AEBP2: variants seen among roughly 807,000 people sequenced by gnomAD.
The protein encoded by AEBP2 is AE binding protein 2, also known as zinc finger protein AEBP2.
Under a neutral mutation model 50.8 loss-of-function variants are expected in AEBP2, and 10 were observed. That is an observed-to-expected ratio of 0.20 (90% CI 0.12 to 0.33). The LOEUF (loss-of-function observed/expected upper bound fraction) is 0.33. AEBP2 is among the 10% of genes least tolerant of loss of function. The pLI is 1.00. For synonymous variants in AEBP2, 296 were observed against 261.3 expected, an observed-to-expected ratio of 1.13 and a Z score of -1.28; for missense variants, 570 against 688.0, an observed-to-expected ratio of 0.83 and a Z score of 1.92.
Position 19,462,688 on chromosome 12 carries a change from T to C in AEBP2, c.850T>C (p.Ser284Pro), listed in dbSNP as rs779045258. 6.2e-7 allele frequency: 1 copy of C among 1,613,506 alleles called. No individual in the cohort carries two copies. Among genetic ancestry groups the C allele is most frequent in the South Asian group, 1.1e-5 (1 of 91,012 alleles). Reference protein sequence around the residue: ...SSPDLADHIRSIHVDGQRGGV... With the variant: ...SSPDLADHIRPIHVDGQRGGV... ...CCCAGATCTGGCAGATCACATCCGT[T>C]CCATACATGTAGATGGTCAGCGAGG... The change falls in exon 2 of 8, where the codon TCC (serine) becomes CCC (proline). Residue 284 changes from serine to proline, a missense_variant. Ser to Pro is a moderately conservative substitution (Grantham distance 74, BLOSUM62 -1). This residue lies in a region of AEBP2 where 184 missense variants were observed against 351.2 expected (regional missense o/e 0.52). Coordinates refer to ENST00000266508, the MANE Select transcript of AEBP2 (RefSeq NM_153207.5).
intron 3 of AEBP2, among the ~76,000 whole-genome samples, chr12:19,493,237 A>G (rs1948920384): frequency 6.6e-6 from 1 of 152,116 alleles, no homozygotes; most frequent in Admixed American, 6.5e-5. Context: ...CCATAGCTCT[A>G]CTAAAAATAC....
intron 3 of AEBP2, among the ~76,000 whole-genome samples, chr12:19,490,563 CAG>C (rs1948881954): frequency 6.7e-6 from 1 of 150,192 alleles, no homozygotes; most frequent in Non-Finnish European, 1.5e-5. Context: ...CTTTTTGAGA[CAG>C]AGTCTCACTT....
chr12:19,465,750 C>G (rs1250886927), intron 2 of AEBP2, among the ~76,000 whole-genome samples: 1 of 149,286 alleles, frequency 6.7e-6, no homozygotes, highest in Admixed American at 6.7e-5. Flanking sequence ...AAAACTTGAT[C>G]TGATTTTGTG....
chr12:19,457,513 C>A, intron 1 of AEBP2: 1 of 1,483,346 alleles, frequency 6.7e-7, no homozygotes, highest in South Asian at 1.3e-5. Context: ...ATCTCAGCAG[C>A]CTCCTTCTCA....
chr12:19,490,068 A>G (rs1319560239), intron 3 of AEBP2, among the ~76,000 whole-genome samples: 1 of 140,982 alleles, frequency 7.1e-6, no homozygotes, highest in Non-Finnish European at 1.5e-5. Context: ...GCTAGTCTCA[A>G]ACTCCTGGGC....
intron 1 of AEBP2, among the ~76,000 whole-genome samples, chr12:19,404,538 A>G (rs2095735051): frequency 6.6e-6 from 1 of 152,178 alleles, no homozygotes. Context: ...AAATGTTCAC[A>G]GTGTGAATCT....
At chr12:19,444,316 C>T (rs1371747564) in intron 1 of AEBP2, among the ~76,000 whole-genome samples, 3 of 152,030 alleles carry the variant, frequency 2.0e-5, no homozygotes, top group African/African-American at 2.4e-5. Context: ...AAGTTAATGC[C>T]GAGAAAATAG....
chr12:19,493,999 C>T lies in AEBP2; in HGVS notation c.1174+13C>T. 2 of 1,548,158 alleles carry T rather than the reference C, an allele frequency of 1.3e-6. No individual in the cohort carries two copies. Among genetic ancestry groups the T allele is most frequent in the South Asian group, 1.2e-5 (1 of 85,704 alleles). ...CGACGCTCATTACGTAAGTGTTACA[C>T]TGAGAAAATCTGGTGTATTTCATGG... On this transcript the variant is annotated intron_variant, in intron 4 of 7. Transcript: ENST00000266508.
intron 5 of AEBP2, among the ~76,000 whole-genome samples, chr12:19,511,313 C>T (rs1038669569): frequency 2.0e-5 from 3 of 152,044 alleles, no homozygotes; most frequent in Admixed American, 2.0e-4. Context: ...ACAGAAAGCC[C>T]CGGAGAGTTG....
At chr12:19,417,736 ACT>A (rs1221090399) in intron 1 of AEBP2, among the ~76,000 whole-genome samples, 1 of 142,132 alleles carries the variant, frequency 7.0e-6, no homozygotes, top group Non-Finnish European at 1.5e-5. Context: ...ACTGAGTCTC[ACT>A]CTGTTGCTTA....
At chr12:19,456,576 A>T in intron 1 of AEBP2, 1 of 1,539,234 alleles carries the variant, frequency 6.5e-7, no homozygotes, top group Non-Finnish European at 9.0e-7. Flanking sequence ...GCCAGCACTT[A>T]TTTGGCCTGG....
chr12:19,503,207 C>G (rs1409619413), intron 5 of AEBP2, among the ~76,000 whole-genome samples: 2 of 152,104 alleles, frequency 1.3e-5, no homozygotes, highest in East Asian at 1.9e-4. Context: ...GATACTGATT[C>G]TTCCAATCTG....
intron 1 of AEBP2, among the ~76,000 whole-genome samples, chr12:19,457,863 C>G (rs1201292787): frequency 6.6e-6 from 1 of 152,156 alleles, no homozygotes; most frequent in African/African-American, 2.4e-5. Flanking sequence ...AATGCAGAAT[C>G]TGCATTTGAT....
At chr12:19,494,070 C>A in intron 4 of AEBP2, 84 bp downstream of exon 4, 1 of 1,382,326 alleles carries the variant, frequency 7.2e-7, no homozygotes, top group Non-Finnish European at 9.7e-7. Flanking sequence ...CTTTGAACTT[C>A]AACTCCTCTT....
intron 7 of AEBP2, 145 bp from the exon 8 acceptor site, chr12:19,517,942 T>C (rs1031425128): frequency 1.0e-5 from 7 of 703,198 alleles, no homozygotes; most frequent in Non-Finnish European, 1.5e-5. Context: ...TAGATCCATA[T>C]GTATAAATGT....
Position 19,500,056 on chromosome 12 carries a change from T to C in AEBP2, c.1175-41T>C, listed in dbSNP as rs369111585. On this transcript the variant is annotated intron_variant, in intron 4 of 7. Coordinates refer to ENST00000266508, the MANE Select transcript of AEBP2 (RefSeq NM_153207.5). ...CCATCTTTATTACTTATTACTGTTA[T>C]GTTTTTCTAAATATTCTTTACTTTT... 5.6e-4 allele frequency: 862 copies of C among 1,537,330 alleles called. 3 individuals are homozygous for C. Among genetic ancestry groups the C allele is most frequent in the Non-Finnish European group, 6.8e-4 (768 of 1,131,954 alleles).
intron 6 of AEBP2, among the ~76,000 whole-genome samples, chr12:19,513,556 T>G (rs1949268546): frequency 6.6e-6 from 1 of 152,064 alleles, no homozygotes; most frequent in South Asian, 2.1e-4. Flanking sequence ...GGCAGGAGTT[T>G]GAGATCAGCC....
At chr12:19,450,092 C>T (rs757641199) in intron 1 of AEBP2, among the ~76,000 whole-genome samples, 11 of 152,120 alleles carry the variant, frequency 7.2e-5, no homozygotes, top group Admixed American at 2.6e-4. Flanking sequence ...ACAGCACCAC[C>T]GCAGTTTTGA....
At chr12:19,502,637 G>A (rs1307739936) in intron 5 of AEBP2, among the ~76,000 whole-genome samples, 4 of 151,336 alleles carry the variant, frequency 2.6e-5, no homozygotes, top group African/African-American at 9.7e-5. Context: ...TATTTCATTG[G>A]TCTGTTTGTC....
Sources: allele counts gnomAD v4.1 joint callset (sites outside exome capture counted in the v4.1 genomes callset), GRCh38; gene constraint gnomAD v4.1.1; regional missense constraint gnomAD v4.1.1; transcripts MANE v1.5; gene names NCBI Gene and HGNC (gene_info 2026-07-23, HGNC 2026-07-21).